MYCBP2: variants seen among roughly 807,000 people sequenced by gnomAD.
The protein encoded by MYCBP2 is E3 ubiquitin-protein ligase MYCBP2.
Under a neutral mutation model 525.3 loss-of-function variants are expected in MYCBP2, and 120 were observed. That is an observed-to-expected ratio of 0.23 (90% CI 0.20 to 0.27). MYCBP2 has a LOEUF of 0.27. Ranked by LOEUF, MYCBP2 falls within the 10% of genes least tolerant of loss-of-function variation. The probability of loss-of-function intolerance (pLI) is 1.00; values close to 1 mark genes in which losing one functional copy is unlikely to be tolerated. For synonymous variants in MYCBP2, 1,894 were observed against 1,955.8 expected (o/e 0.97, Z 0.83); for missense variants, 4,149 against 5,657.1 (o/e 0.73, Z 8.55).
At chr13:77,056,099 G>GGTGTGTGTGTGTGTGTGTGTGTGTGT (rs56952443) in intron 79 of MYCBP2, among the ~76,000 whole-genome samples, 2 of 120,594 alleles carry the variant, frequency 1.7e-5, no homozygotes, top group Non-Finnish European at 3.4e-5. Context: ...CTCTGTGTTT[G>GGTGTGTGTGTGTGTGTGTGTGTGTGT]GTGTGTGTGT....
At chr13:77,218,062 C>A in intron 20 of MYCBP2, 105 bp from the exon 21 acceptor site, 1 of 667,438 alleles carries the variant, frequency 1.5e-6, no homozygotes, top group Non-Finnish European at 2.5e-6. Context: ...AAAAGGCACT[C>A]ATAAGAATAT....
chr13:77,073,994 T>TCCC (rs1303416489), intron 68 of MYCBP2, among the ~76,000 whole-genome samples: 1 of 120,692 alleles, frequency 8.3e-6, no homozygotes, highest in African/African-American at 3.0e-5. Context: ...CAAAATTCCA[T>TCCC]CCCCACCGCC....
chr13:77,157,910 A>T, intron 45 of MYCBP2, 27 bp downstream of exon 45: 1 of 1,570,342 alleles, frequency 6.4e-7, no homozygotes, highest in East Asian at 2.3e-5. Context: ...GCCCTAAAAT[A>T]AAGTAAGTAA....
At position 77,077,341 on chromosome 13, in the gene MYCBP2, G is replaced by A; in HGVS notation, c.11531C>T (p.Pro3844Leu). ...TTTTATGATGTGATTATCCCCTCCT[G>A]GAAGTTCACTTGTTACCCAGCCAAT... is the stretch of plus-strand genomic sequence containing the variant. ...RHIGWVTSEL[P>L]GGDNHIIKIE... Residue 3844 changes from proline to leucine, a missense_variant, in exon 67 of 83, where the codon CCA (proline) becomes CTA (leucine). Physicochemically the swap from Pro to Leu is moderately conservative, Grantham distance 98 (BLOSUM62 -3). Transcript: ENST00000544440. The A allele has an allele frequency of 1.2e-6, 2 of 1,613,924 alleles. No homozygotes were observed. Among genetic ancestry groups the A allele is most frequent in the East Asian group, 2.2e-5 (1 of 44,884 alleles).
chr13:77,276,037 T>C (rs2075533406), intron 4 of MYCBP2, among the ~76,000 whole-genome samples: 2 of 152,176 alleles, frequency 1.3e-5, no homozygotes, highest in African/African-American at 4.8e-5. Context: ...ATACGATTTA[T>C]CCACATTTGT....
intron 18 of MYCBP2, among the ~76,000 whole-genome samples, chr13:77,228,080 T>A (rs929050535): frequency 1.3e-5 from 2 of 151,954 alleles, no homozygotes; most frequent in African/African-American, 2.4e-5. Context: ...TATATGGTAT[T>A]TGATATCAAA....
intron 52 of MYCBP2, 47 bp downstream of exon 52, chr13:77,139,145 AAAAC>A: frequency 6.4e-7 from 1 of 1,568,120 alleles, no homozygotes. Flanking sequence ...AAAGCTCTGT[AAAAC>A]AAACAGCGTG....
Position 77,066,842 on chromosome 13 carries a change from T to C in MYCBP2, c.12455+739A>G, listed in dbSNP as rs368299928. Among the ~76,000 whole-genome samples, 7 of 150,428 alleles carry C rather than the reference T, an allele frequency of 4.7e-5. No individual in the cohort carries two copies. The South Asian group carries it at 6.2e-4, about 13-fold the overall frequency. On this transcript the variant is annotated intron_variant, in intron 71 of 82. Coordinates refer to ENST00000544440, the MANE Select transcript of MYCBP2 (RefSeq NM_015057.5). Reference sequence around the variant, plus strand: ...GTTTTCATTTGTTTACTGGCATTTATAAGTTTTTTTCTGTGAACTGACTAC... The same window carrying C: ...GTTTTCATTTGTTTACTGGCATTTACAAGTTTTTTTCTGTGAACTGACTAC...
intron 55 of MYCBP2, chr13:77,109,811 T>C (rs1482134629): frequency 6.6e-6 from 1 of 152,198 alleles, no homozygotes; most frequent in Non-Finnish European, 1.5e-5. Context: ...CCCAAATTAA[T>C]ACTTTTATAA....
intron 80 of MYCBP2, among the ~76,000 whole-genome samples, chr13:77,053,727 G>A (rs1479463283): frequency 1.3e-5 from 2 of 152,158 alleles, no homozygotes; most frequent in African/African-American, 4.8e-5. Flanking sequence ...GGGTGTGCAT[G>A]TATTTATCTG....
chr13:77,166,248 C>A, intron 41 of MYCBP2, 81 bp downstream of exon 41: 1 of 996,462 alleles, frequency 1.0e-6, no homozygotes, highest in Non-Finnish European at 1.4e-6. Context: ...ATTAGATAAA[C>A]ATTTTCAATG....
chr13:77,057,093 G>A lies in MYCBP2; in HGVS notation c.13330C>T (p.Leu4444=), dbSNP rs964494635. The A allele has an allele frequency of 6.9e-6, 11 of 1,605,618 alleles. No homozygotes were observed. In the African/African-American group the frequency reaches 9.4e-5, roughly 14 times the overall value. Reference sequence around the variant, plus strand: ...AAGTGGAATATGTGACTACAATCCAGCTTAAATAAACAAAAGAAAAGGACA... The same window carrying A: ...AAGTGGAATATGTGACTACAATCCAACTTAAATAAACAAAAGAAAAGGACA... ...EALSAAPAIQ[L]DCSHIFHLQC... Residue 4444 remains leucine (L), a splice_region_variant and synonymous_variant, in exon 79 of 83, where the codon CTG becomes TTG. Transcript: ENST00000544440.
At chr13:77,325,298 CTT>C (rs2082152095) in intron 1 of MYCBP2, among the ~76,000 whole-genome samples, 3 of 152,182 alleles carry the variant, frequency 2.0e-5, no homozygotes, top group East Asian at 1.9e-4. Context: ...ACAGTAAACT[CTT>C]TAACTCATTT....
intron 44 of MYCBP2, among the ~76,000 whole-genome samples, chr13:77,158,737 T>C (rs1022079614): frequency 1.3e-5 from 2 of 152,180 alleles, no homozygotes; most frequent in African/African-American, 4.8e-5. Flanking sequence ...CCTGAGCCAC[T>C]GCATCCGGCT....
chr13:77,226,482 C>T (rs917903171), intron 18 of MYCBP2, among the ~76,000 whole-genome samples: 1 of 152,184 alleles, frequency 6.6e-6, no homozygotes, highest in East Asian at 1.9e-4. Flanking sequence ...TCCTTGTACA[C>T]AGAATAAATG....
chr13:77,098,160 C>G lies in MYCBP2; in HGVS notation c.8994G>C (p.Arg2998Ser). The G allele has an allele frequency of 6.2e-7, 1 of 1,613,590 alleles. No individual in the cohort carries two copies. The highest frequency in any genetic ancestry group is 8.5e-7 in the Non-Finnish European group (1 of 1,179,752). Residue 2998 changes from arginine to serine, a missense_variant, in exon 56 of 83, where the codon AGG (arginine) becomes AGC (serine). Arg to Ser is a moderately radical substitution (Grantham distance 110, BLOSUM62 -1). This residue lies in a region of MYCBP2 where 653 missense variants were observed against 744.7 expected (regional missense o/e 0.88). Coordinates refer to ENST00000544440, the MANE Select transcript of MYCBP2 (RefSeq NM_015057.5). The part of the protein sequence containing the change: ...ISRKCANRHT[R>S]PKKEKSSFLF... ...GAAAACTCGATTTTTCTTTTTTGGG[C>G]CTGGTGTGTCTATTAGCACATTTTC...
intron 47 of MYCBP2, among the ~76,000 whole-genome samples, chr13:77,147,013 A>G (rs4885442): frequency 0.57 from 86,915 of 151,986 alleles, 28,293 homozygotes; most frequent in Non-Finnish European, 0.73. Context: ...TATGGAATAG[A>G]TCCCCAATGG....
chr13:77,325,221 C>CG (rs576608510), intron 1 of MYCBP2, among the ~76,000 whole-genome samples: 6 of 152,356 alleles, frequency 3.9e-5, no homozygotes, highest in African/African-American at 1.4e-4. Context: ...CTTACAGCCT[C>CG]GTCCCTTTCA....
chr13:77,119,543 GA>G lies in MYCBP2; in HGVS notation c.8140+1829del, dbSNP rs575229591. Among the ~76,000 whole-genome samples the G allele has an allele frequency of 2.3e-4, 34 of 150,600 alleles. 1 individual carries two copies. Among genetic ancestry groups the G allele is most frequent in the Non-Finnish European group, 3.7e-4 (25 of 67,472 alleles). ...AGAATTTTCTAAAATACTGTTTTAA[GA>G]AAAAAAAACTTACAAAAAACAGCTC... On this transcript the variant is annotated intron_variant, in intron 55 of 82. Transcript: ENST00000544440.
Sources: gnomAD v4.1 joint callset for allele counts (sites outside exome capture counted in the v4.1 genomes callset) on GRCh38, gnomAD v4.1.1 for gene constraint, gnomAD v4.1.1 regional missense constraint, MANE v1.5 for transcripts, NCBI Gene and HGNC (gene_info 2026-07-23, HGNC 2026-07-21) for gene names.